The following VPS13B variants were observed in gnomAD, a reference collection of about 807,000 sequenced individuals.
VPS13B encodes intermembrane lipid transfer protein VPS13B.
A neutral mutation model predicts 426.4 loss-of-function variants in VPS13B; 285 were observed. That is an observed-to-expected ratio of 0.67 (90% CI 0.61 to 0.74). The LOEUF (loss-of-function observed/expected upper bound fraction) is 0.74. Ranked by LOEUF, VPS13B falls within the 30% of genes least tolerant of loss-of-function variation. VPS13B has a pLI of 0.00. For missense variants in VPS13B, 4,537 were observed against 4,782.6 expected (o/e 0.95, Z 1.51); for synonymous variants, 1,676 against 1,676.4 (o/e 1.00, Z 0.01).
At chr8:99,491,982 C>T (rs969191491) in intron 25 of VPS13B, among the ~76,000 whole-genome samples, 2 of 152,180 alleles carry the variant, frequency 1.3e-5, no homozygotes, top group African/African-American at 4.8e-5. Flanking sequence ...GCTCTGGTTT[C>T]TCCCCTCTTT....
Position 99,868,318 on chromosome 8 carries a change from A to G in VPS13B, c.11245A>G (p.Met3749Val). 6.2e-7 allele frequency: 1 copy of G among 1,614,168 alleles called. No individual in the cohort carries two copies. The highest frequency in any genetic ancestry group is 8.5e-7 in the Non-Finnish European group (1 of 1,180,032). The change falls in exon 59 of 62, where the codon ATG becomes GTG. Residue 3749 changes from methionine to valine, a missense_variant. Coordinates refer to ENST00000357162, the MANE Select transcript of VPS13B (RefSeq NM_152564.5). ...AATTGCTGGTATAGTTGATCAGCCG[A>G]TGCAGAACTTCCAGAAAACATCTGA... The part of the protein sequence containing the change: ...GAIAGIVDQP[M>V]QNFQKTSEAQ...
At chr8:99,861,040 ATTTC>A (rs1816806267) in intron 57 of VPS13B, among the ~76,000 whole-genome samples, 2 of 152,312 alleles carry the variant, frequency 1.3e-5, no homozygotes, top group South Asian at 4.1e-4. Flanking sequence ...AAGCTGAAGT[ATTTC>A]TTTATAATCT....
At chr8:99,418,549 CTTT>C (rs1280527783) in intron 21 of VPS13B, among the ~76,000 whole-genome samples, 2 of 92,464 alleles carry the variant, frequency 2.2e-5, no homozygotes, top group East Asian at 2.8e-4. Flanking sequence ...CTTTTCTTTT[CTTT>C]TCTTTCATTT....
At chr8:99,383,010 A>G (rs753901117) in intron 19 of VPS13B, among the ~76,000 whole-genome samples, 22 of 152,230 alleles carry the variant, frequency 1.4e-4, no homozygotes, top group Non-Finnish European at 2.5e-4. Context: ...TGTTTCATAT[A>G]TCCTAGTGGA....
In VPS13B at chr8:99,784,387, C is replaced by T. The variant is rs779101063; in HGVS notation, c.7852C>T (p.Arg2618Trp). 4.3e-6 allele frequency: 7 copies of T among 1,613,594 alleles called. No individual in the cohort carries two copies. Among genetic ancestry groups the T allele is most frequent in the Admixed American group, 1.7e-5 (1 of 59,972 alleles). Residue 2618 changes from arginine to tryptophan, a missense_variant, in exon 43 of 62, where the codon CGG (arginine) becomes TGG (tryptophan). Physicochemically the swap from Arg to Trp is moderately radical, Grantham distance 101. This residue lies in a region of VPS13B where 4,311 missense variants were observed against 4,474.3 expected (regional missense o/e 0.96). Coordinates refer to ENST00000357162, the MANE Select transcript of VPS13B (RefSeq NM_152564.5). ...VICNDTQETL[R>W]FGQVDTDENI... ...CTGTAATGACACACAGGAGACACTG[C>T]GGTTTGGCCAGGTGGATACTGATGA...
chr8:99,028,318 C>T (rs528943001), intron 2 of VPS13B, among the ~76,000 whole-genome samples: 313 of 150,422 alleles, frequency 2.1e-3, no homozygotes, highest in African/African-American at 4.7e-3. Context: ...ACCTCCCGGA[C>T]GGGGCGGCTG....
chr8:99,200,081 A>G (rs575993128), intron 17 of VPS13B, among the ~76,000 whole-genome samples: 10 of 152,278 alleles, frequency 6.6e-5, no homozygotes, highest in Admixed American at 2.0e-4. Context: ...GGCAAATACT[A>G]ATCTACTTTT....
intron 19 of VPS13B, among the ~76,000 whole-genome samples, chr8:99,283,933 A>G (rs1198337157): frequency 6.6e-6 from 1 of 152,192 alleles, no homozygotes; most frequent in African/African-American, 2.4e-5. Context: ...TATCCTACTA[A>G]TTTCCTAAAA....
intron 8 of VPS13B, 55 bp downstream of exon 8, chr8:99,121,500 G>C: frequency 6.2e-7 from 1 of 1,605,954 alleles, no homozygotes; most frequent in Non-Finnish European, 8.5e-7. Flanking sequence ...CTTAAATTTG[G>C]ATTGTTAGTA....
At chr8:99,498,751 T>C (rs1821067554) in intron 25 of VPS13B, among the ~76,000 whole-genome samples, 1 of 152,110 alleles carries the variant, frequency 6.6e-6, no homozygotes, top group Admixed American at 6.5e-5. Flanking sequence ...GTCTGAGTCA[T>C]GGTAAAGTGG....
At chr8:99,087,623 T>G (rs546759505) in intron 3 of VPS13B, among the ~76,000 whole-genome samples, 7 of 151,552 alleles carry the variant, frequency 4.6e-5, no homozygotes, top group East Asian at 1.9e-4. Context: ...TTGTTTTTTT[T>G]TTTTTTTATA....
intron 42 of VPS13B, among the ~76,000 whole-genome samples, chr8:99,779,833 A>G (rs1002522557): frequency 6.6e-6 from 1 of 152,178 alleles, no homozygotes; most frequent in African/African-American, 2.4e-5. Flanking sequence ...GTTGCTATTT[A>G]AGCTGAAACA....
intron 19 of VPS13B, among the ~76,000 whole-genome samples, chr8:99,275,746 A>G (rs1818862268): frequency 6.6e-6 from 1 of 152,028 alleles, no homozygotes; most frequent in Admixed American, 6.6e-5. Flanking sequence ...AATCGATTTC[A>G]TTTTATTCAA....
At chr8:99,278,755 A>G (rs577360004) in intron 19 of VPS13B, among the ~76,000 whole-genome samples, 12 of 152,234 alleles carry the variant, frequency 7.9e-5, no homozygotes, top group Non-Finnish European at 1.8e-4. Flanking sequence ...AAGCACTGTC[A>G]AAAGAGCCAC....
At chr8:99,356,676 A>T (rs929619615) in intron 19 of VPS13B, among the ~76,000 whole-genome samples, 2 of 150,892 alleles carry the variant, frequency 1.3e-5, no homozygotes, top group Admixed American at 6.6e-5. Context: ...TATCTTTACC[A>T]TTTTTTTTTG....
chr8:99,602,208 C>A (rs1827334507), intron 33 of VPS13B, among the ~76,000 whole-genome samples: 2 of 152,132 alleles, frequency 1.3e-5, no homozygotes, highest in Admixed American at 6.5e-5. Flanking sequence ...GTTCAGTTTT[C>A]TGCATGTGGC....
At chr8:99,341,000 C>T in intron 19 of VPS13B, 1 of 263,032 alleles carries the variant, frequency 3.8e-6, no homozygotes, top group Non-Finnish European at 7.9e-6. Flanking sequence ...AAAGAAAACA[C>T]TTAGCTGAAG....
intron 3 of VPS13B, among the ~76,000 whole-genome samples, chr8:99,045,896 T>C (rs1261773202): frequency 3.3e-5 from 5 of 152,342 alleles, no homozygotes; most frequent in Admixed American, 3.3e-4. Flanking sequence ...TTCTGTTTCA[T>C]TGGTCTATGT....
At chr8:99,716,789 C>T (rs1215993719) in intron 36 of VPS13B, among the ~76,000 whole-genome samples, 1 of 152,146 alleles carries the variant, frequency 6.6e-6, no homozygotes, top group African/African-American at 2.4e-5. Context: ...CACTCTGTTA[C>T]TGTAGGAAAT....
Sources: allele counts gnomAD v4.1 joint callset (sites outside exome capture counted in the v4.1 genomes callset), GRCh38; gene constraint gnomAD v4.1.1; regional missense constraint gnomAD v4.1.1; transcripts MANE v1.5; gene names NCBI Gene and HGNC (gene_info 2026-07-23, HGNC 2026-07-21).